Variants in PTPRD observed in about 807,000 individuals in gnomAD.
PTPRD encodes protein tyrosine phosphatase receptor type D.
Under a neutral mutation model 214.5 loss-of-function variants are expected in PTPRD, and 34 were observed. The ratio of observed to expected loss-of-function variants is 0.16; its 90% CI spans 0.12 to 0.21. The LOEUF is 0.21. Ranked by LOEUF, PTPRD falls within the 10% of genes least tolerant of loss-of-function variation. The pLI is 1.00. For missense variants in PTPRD, 2,545 were observed against 2,398.7 expected (o/e 1.06, Z -1.27); for synonymous variants, 1,128 against 845.7 (o/e 1.33, Z -5.79).
intron 43 of PTPRD, among the ~76,000 whole-genome samples, chr9:8,332,364 A>C (rs1390342516): frequency 2.6e-5 from 4 of 152,140 alleles, no homozygotes; most frequent in Admixed American, 6.5e-5. Context: ...ATTTCTAGCC[A>C]TGGCAGGGGA....
At chr9:10,449,683 C>CAGT (rs2098825951) in intron 2 of PTPRD, among the ~76,000 whole-genome samples, 11 of 151,602 alleles carry the variant, frequency 7.3e-5, no homozygotes, top group Admixed American at 2.0e-4. Context: ...CTCTGCCCGG[C>CAGT]CGCCCCGTCT....
intron 10 of PTPRD, 125 bp downstream of exon 10, chr9:9,183,179 G>A (rs1237360288): frequency 2.0e-5 from 3 of 151,918 alleles, no homozygotes; most frequent in Non-Finnish European, 2.9e-5. Flanking sequence ...AGAGTAAAAT[G>A]TTTGAGTATT....
intron 2 of PTPRD, among the ~76,000 whole-genome samples, chr9:10,416,554 G>C (rs2098491184): frequency 6.6e-6 from 1 of 151,772 alleles, no homozygotes; most frequent in South Asian, 2.1e-4. Flanking sequence ...AAAGCGATGA[G>C]AAAAAGAACA....
chr9:9,359,403 T>A lies in PTPRD; in HGVS notation c.-203+38046A>T, dbSNP rs542495760. The stretch of plus-strand genomic sequence containing the variant: ...ACTTCACATTCAATTTCTATAAAAA[T>A]GTCCCCTGATAAGAGGTTGTGAAGA... On this transcript the variant is annotated intron_variant, in intron 9 of 45. Coordinates refer to ENST00000381196, the MANE Select transcript of PTPRD (RefSeq NM_002839.4). Among the ~76,000 whole-genome samples, 13 of 151,430 alleles carry A rather than the reference T, an allele frequency of 8.6e-5. No individual in the cohort carries two copies. The South Asian group carries it at 2.7e-3, about 31-fold the overall frequency.
chr9:9,779,614 T>A (rs117562936), intron 5 of PTPRD, among the ~76,000 whole-genome samples: 6,206 of 152,194 alleles, frequency 0.041, 593 homozygotes, highest in East Asian at 0.39. Flanking sequence ...ATGCTCAACA[T>A]CATTAATCAT....
At chr9:8,790,658 T>C (rs541550943) in intron 11 of PTPRD, among the ~76,000 whole-genome samples, 2 of 152,230 alleles carry the variant, frequency 1.3e-5, no homozygotes, top group Admixed American at 6.5e-5. Flanking sequence ...TATCTAAGCA[T>C]ACCTTAGTCA....
intron 12 of PTPRD, among the ~76,000 whole-genome samples, chr9:8,703,132 A>C (rs999529571): frequency 6.6e-6 from 1 of 152,244 alleles, no homozygotes; most frequent in African/African-American, 2.4e-5. Flanking sequence ...TGGGGATTAT[A>C]CCAATAGTGA....
Position 10,099,571 on chromosome 9 carries a change from T to A in PTPRD, c.-544-65781A>T, listed in dbSNP as rs143798367. On this transcript the variant is annotated intron_variant, in intron 3 of 45. Coordinates refer to ENST00000381196, the MANE Select transcript of PTPRD (RefSeq NM_002839.4). ...TTATTTGAGGTTTCTGACCATGCTA[T>A]CTAGAAACAAATAAAACTTTGATGT... 7.8e-4 allele frequency among the ~76,000 whole-genome samples: 118 copies of A among 151,942 alleles called. 2 individuals carry two copies. In the South Asian group the frequency reaches 0.022, roughly 29 times the overall value.
intron 35 of PTPRD, among the ~76,000 whole-genome samples, chr9:8,417,729 T>C (rs1438151771): frequency 6.6e-6 from 1 of 152,042 alleles, no homozygotes; most frequent in Non-Finnish European, 1.5e-5. Context: ...AAGATCAAAA[T>C]GTAGGCTGCC....
At chr9:10,096,439 C>A (rs376247739) in intron 3 of PTPRD, among the ~76,000 whole-genome samples, 2 of 151,620 alleles carry the variant, frequency 1.3e-5, no homozygotes, top group Admixed American at 6.6e-5. Context: ...TTCTAACTGG[C>A]GTGAGATGGT....
rs117698538 is a variant in PTPRD at position 8,743,912 on chromosome 9, T to A, written c.-103-9966A>T. Among the ~76,000 whole-genome samples the A allele has an allele frequency of 5.9e-3, 895 of 150,856 alleles. 29 individuals carry two copies. The East Asian group carries it at 0.086, about 15-fold the overall frequency. On this transcript the variant is annotated intron_variant, in intron 11 of 45. Transcript: ENST00000381196. ...ATCGACATAGGACTAATATCCAGAA[T>A]CTACAAAGAACTCAAACTCAAATCA...
At chr9:8,355,225 T>TAC (rs1235935100) in intron 39 of PTPRD, among the ~76,000 whole-genome samples, 5 of 152,148 alleles carry the variant, frequency 3.3e-5, no homozygotes, top group Admixed American at 6.5e-5. Context: ...TGCCATCTGA[T>TAC]ACACTGGCTC....
At chr9:10,608,631 C>A (rs931385658) in intron 2 of PTPRD, among the ~76,000 whole-genome samples, 3 of 152,048 alleles carry the variant, frequency 2.0e-5, no homozygotes, top group African/African-American at 7.2e-5. Flanking sequence ...ATTGCTAAGC[C>A]AATTTATTTA....
intron 8 of PTPRD, among the ~76,000 whole-genome samples, chr9:9,455,476 G>T (rs1421587281): frequency 6.6e-6 from 1 of 151,386 alleles, no homozygotes; most frequent in East Asian, 1.9e-4. Context: ...TTCCAACACA[G>T]GTTAAATAAG....
At chr9:8,320,334 T>G (rs567403269) in intron 44 of PTPRD, among the ~76,000 whole-genome samples, 1 of 152,144 alleles carries the variant, frequency 6.6e-6, no homozygotes, top group South Asian at 2.1e-4. Context: ...TTTTAAAGTA[T>G]GAAATAATTC....
chr9:10,098,531 T>G (rs2098518113), intron 3 of PTPRD, among the ~76,000 whole-genome samples: 1 of 151,734 alleles, frequency 6.6e-6, no homozygotes, highest in Non-Finnish European at 1.5e-5. Context: ...TAAAAAATGC[T>G]ACTTCTTTCC....
At chr9:9,274,962 G>A (rs1369853194) in intron 9 of PTPRD, among the ~76,000 whole-genome samples, 1 of 140,514 alleles carries the variant, frequency 7.1e-6, no homozygotes, top group African/African-American at 2.6e-5. Flanking sequence ...AAGTCTTTGA[G>A]AAGTCTTGCA....
At chr9:8,467,129 G>A (rs1382213857) in intron 31 of PTPRD, among the ~76,000 whole-genome samples, 2 of 151,672 alleles carry the variant, frequency 1.3e-5, no homozygotes, top group Admixed American at 6.6e-5. Context: ...AATTTATAAC[G>A]TGCTAAAATT....
chr9:8,327,017 C>CGT (rs1834571203), intron 44 of PTPRD, among the ~76,000 whole-genome samples: 2 of 146,078 alleles, frequency 1.4e-5, no homozygotes, highest in African/African-American at 2.5e-5. Flanking sequence ...AAGGGTTTTT[C>CGT]GTGTCTCTAT....
Sources: gnomAD v4.1 joint callset for allele counts (sites outside exome capture counted in the v4.1 genomes callset) on GRCh38, gnomAD v4.1.1 for gene constraint, MANE v1.5 for transcripts, NCBI Gene and HGNC (gene_info 2026-07-23, HGNC 2026-07-21) for gene names.